The following SYNDIG1 variants were observed in gnomAD, a reference collection of about 807,000 sequenced individuals.
SYNDIG1 encodes the protein synapse differentiation inducing 1.
Under a neutral mutation model 19.4 loss-of-function variants are expected in SYNDIG1, and 9 were observed. The observed-to-expected ratio is 0.46, with a 90% confidence interval of 0.28 to 0.81. SYNDIG1 has a LOEUF of 0.81. Among genes scored for constraint, SYNDIG1 ranks in the 30% least tolerant of loss-of-function variants. The pLI, the probability that SYNDIG1 is intolerant of heterozygous loss-of-function variation, is 0.12. For missense variants in SYNDIG1, 311 were observed against 343.3 expected (o/e 0.91, Z 0.74); for synonymous variants, 141 against 145.9 (o/e 0.97, Z 0.24).
intron 1 of SYNDIG1, among the ~76,000 whole-genome samples, chr20:24,475,650 A>G (rs911300878): frequency 2.0e-5 from 3 of 152,200 alleles, no homozygotes; most frequent in Non-Finnish European, 4.4e-5. Flanking sequence ...CAGATCTCCC[A>G]TGGAAACCCT....
At chr20:24,629,138 G>C (rs189975869) in intron 3 of SYNDIG1, among the ~76,000 whole-genome samples, 3 of 152,236 alleles carry the variant, frequency 2.0e-5, no homozygotes, top group African/African-American at 7.2e-5. Flanking sequence ...GAACATGTGA[G>C]CCAGAAAGGC....
chr20:24,560,011 T>G (rs534904159), intron 2 of SYNDIG1, among the ~76,000 whole-genome samples: 1 of 149,868 alleles, frequency 6.7e-6, no homozygotes, highest in Non-Finnish European at 1.5e-5. Flanking sequence ...GGGAAGGTTT[T>G]GGCCATTATT....
At chr20:24,626,765 C>T (rs2059146342) in intron 3 of SYNDIG1, among the ~76,000 whole-genome samples, 1 of 152,242 alleles carries the variant, frequency 6.6e-6, no homozygotes. Flanking sequence ...GATCACGCCA[C>T]TGCACTCCAG....
At chr20:24,532,019 T>A (rs997657476) in intron 1 of SYNDIG1, among the ~76,000 whole-genome samples, 1 of 152,214 alleles carries the variant, frequency 6.6e-6, no homozygotes, top group African/African-American at 2.4e-5. Flanking sequence ...TTCCTGAACA[T>A]CTACTATGTT....
intron 2 of SYNDIG1, among the ~76,000 whole-genome samples, chr20:24,562,701 CT>C (rs1370017537): frequency 6.6e-6 from 1 of 152,108 alleles, no homozygotes; most frequent in African/African-American, 2.4e-5. Flanking sequence ...AAAAGAAAAT[CT>C]TTTTAATTTT....
chr20:24,484,920 G>A (rs535863587), intron 1 of SYNDIG1, among the ~76,000 whole-genome samples: 1 of 152,316 alleles, frequency 6.6e-6, no homozygotes, highest in East Asian at 1.9e-4. Flanking sequence ...GATGGGGGCA[G>A]ATCCCCATGA....
At chr20:24,618,152 G>A (rs575833120) in intron 3 of SYNDIG1, among the ~76,000 whole-genome samples, 16 of 145,626 alleles carry the variant, frequency 1.1e-4, no homozygotes, top group Admixed American at 2.0e-4. Context: ...CCAGGAGTAG[G>A]GAGAGCCCAG....
At chr20:24,565,021 C>A (rs1316371115) in intron 2 of SYNDIG1, among the ~76,000 whole-genome samples, 1 of 152,150 alleles carries the variant, frequency 6.6e-6, no homozygotes, top group Non-Finnish European at 1.5e-5. Flanking sequence ...AAATGAGGTA[C>A]CTGCTATTGT....
intron 2 of SYNDIG1, among the ~76,000 whole-genome samples, chr20:24,563,508 A>G (rs896918842): frequency 3.9e-5 from 6 of 152,168 alleles, no homozygotes; most frequent in African/African-American, 1.4e-4. Flanking sequence ...AAATGACCAC[A>G]TGCTGCGTGT....
At chr20:24,543,857 C>T (rs963503971) in intron 2 of SYNDIG1, among the ~76,000 whole-genome samples, 2 of 152,242 alleles carry the variant, frequency 1.3e-5, no homozygotes, top group South Asian at 2.1e-4. Flanking sequence ...GTGGGTTCAT[C>T]GGTTTTCCCT....
chr20:24,665,754 GCT>G lies in SYNDIG1; in HGVS notation c.*251_*252del. On this transcript the variant is annotated 3_prime_UTR_variant, in exon 4 of 4. Transcript: ENST00000376862. ...AGCTCCAAAGATCCCAGCCCGCAAG[GCT>G]GTCTCTGGATGGATTCTGGTGGATG... The G allele has an allele frequency of 2.0e-6, 1 of 506,960 alleles. No individual in the cohort carries two copies. The highest frequency in any genetic ancestry group is 4.3e-5 in the Admixed American group (1 of 23,128). The allele number at this position is 506,960 out of a possible 1,614,324, so 31.4% of individuals were successfully genotyped here.
At chr20:24,496,358 T>C (rs2056305981) in intron 1 of SYNDIG1, among the ~76,000 whole-genome samples, 1 of 152,234 alleles carries the variant, frequency 6.6e-6, no homozygotes, top group East Asian at 1.9e-4. Flanking sequence ...TGAACATGGA[T>C]ATCTCTCCAT....
At chr20:24,573,777 C>G (rs55960455) in intron 2 of SYNDIG1, among the ~76,000 whole-genome samples, 1 of 152,202 alleles carries the variant, frequency 6.6e-6, no homozygotes, top group African/African-American at 2.4e-5. Flanking sequence ...GTCCCAGAGT[C>G]TCATGGTCGT....
chr20:24,493,446 C>A (rs2056212944), intron 1 of SYNDIG1, among the ~76,000 whole-genome samples: 2 of 152,094 alleles, frequency 1.3e-5, no homozygotes, highest in Non-Finnish European at 2.9e-5. Context: ...CATACATGGG[C>A]ATACACAGGT....
intron 1 of SYNDIG1, among the ~76,000 whole-genome samples, chr20:24,527,495 T>G (rs1456967597): frequency 6.8e-6 from 1 of 147,850 alleles, no homozygotes; most frequent in Non-Finnish European, 1.5e-5. Flanking sequence ...GAGTTGTTCT[T>G]TTCTTCTCTT....
intron 1 of SYNDIG1, among the ~76,000 whole-genome samples, chr20:24,498,201 C>A (rs745695933): frequency 1.7e-4 from 26 of 152,158 alleles, no homozygotes; most frequent in Non-Finnish European, 2.5e-4. Flanking sequence ...TCAGTGTACA[C>A]CCCTGGAGTC....
intron 3 of SYNDIG1, among the ~76,000 whole-genome samples, chr20:24,659,518 G>T (rs1031448554): frequency 3.3e-5 from 5 of 152,340 alleles, no homozygotes; most frequent in East Asian, 3.9e-4. Flanking sequence ...AGACACAAGG[G>T]CCCAGACAGG....
chr20:24,580,395 G>A (rs2058301959), intron 2 of SYNDIG1, among the ~76,000 whole-genome samples: 1 of 151,222 alleles, frequency 6.6e-6, no homozygotes, highest in Non-Finnish European at 1.5e-5. Flanking sequence ...TAATTTGTCT[G>A]AGCTTTGTTT....
chr20:24,543,699 C>A, intron 2 of SYNDIG1, 122 bp downstream of exon 2: 2 of 1,378,116 alleles, frequency 1.5e-6, no homozygotes, highest in Admixed American at 2.1e-5. Flanking sequence ...AATGCAGAAA[C>A]CAAAGGCAGT....
Sources: gnomAD v4.1 joint callset for allele counts (sites outside exome capture counted in the v4.1 genomes callset) on GRCh38, gnomAD v4.1.1 for gene constraint, MANE v1.5 for transcripts, NCBI Gene and HGNC (gene_info 2026-07-23, HGNC 2026-07-21) for gene names.